SQLE: variants seen among roughly 807,000 people sequenced by gnomAD.
SQLE encodes squalene epoxidase, also known as squalene monooxygenase.
In SQLE, 29 loss-of-function variants were observed where a neutral mutation model predicts 60.7. The ratio of observed to expected loss-of-function variants is 0.48; its 90% CI spans 0.36 to 0.65. SQLE has a LOEUF of 0.65. Among genes scored for constraint, SQLE ranks in the 30% least tolerant of loss-of-function variants. SQLE has a pLI of 0.00. For synonymous variants in SQLE, 237 were observed against 246.8 expected (o/e 0.96, Z 0.37); for missense variants, 605 against 684.1 (o/e 0.88, Z 1.29).
In SQLE at chr8:124,999,184, C is replaced by G. The variant is rs139161159; in HGVS notation, c.-220C>G. ...TCCAGCAGGCGATTTTTAAATACTG[C>G]TTTCTACGCCCTATACAACTTGGCT... On this transcript the variant is annotated 5_prime_UTR_variant, in exon 1 of 11. Transcript: ENST00000265896. 211 of 409,162 alleles carry G rather than the reference C, an allele frequency of 5.2e-4. No individual in the cohort carries two copies. The highest frequency in any genetic ancestry group is 4.0e-3 in the African/African-American group (197 of 48,904). 25.3% of individuals were successfully genotyped at this position (409,162 alleles called of 1,614,324 possible). A position where few individuals can be genotyped will look rare whatever the true frequency, so the allele number is the denominator to read the frequency against.
intron 7 of SQLE, among the ~76,000 whole-genome samples, chr8:125,014,934 C>T (rs891066364): frequency 9.9e-5 from 15 of 152,074 alleles, no homozygotes; most frequent in Non-Finnish European, 2.1e-4. Context: ...TCTGTTTGGC[C>T]TGTAGTCCAG....
chr8:125,009,401 A>G (rs1815006088), intron 6 of SQLE, 58 bp downstream of exon 6: 2 of 1,456,438 alleles, frequency 1.4e-6, no homozygotes, highest in Non-Finnish European at 1.9e-6. Flanking sequence ...GCCAGAGATA[A>G]GGATGGCAGG....
chr8:125,006,589 C>G (rs1184344762), intron 3 of SQLE, among the ~76,000 whole-genome samples: 1 of 148,060 alleles, frequency 6.8e-6, no homozygotes, highest in Non-Finnish European at 1.5e-5. Flanking sequence ...CCACTGCACT[C>G]CAGCCTGGGC....
chr8:125,021,136 C>T (rs1815197579), intron 10 of SQLE, among the ~76,000 whole-genome samples: 1 of 152,044 alleles, frequency 6.6e-6, no homozygotes, highest in Admixed American at 6.6e-5. Context: ...TGGATTTATC[C>T]ATATGTTCTG....
rs537820743 is a variant in SQLE at position 125,002,702 on chromosome 8, A to C, written c.292-474A>C. Among the ~76,000 whole-genome samples, 3 of 152,166 alleles carry C rather than the reference A, an allele frequency of 2.0e-5. No homozygotes were observed. The East Asian group carries it at 5.8e-4, about 29-fold the overall frequency. ...CAAACAAACAAACAAAAAAACAAAC[A>C]AAAAAAAGAAAATGTCTAAAAGGTG... On this transcript the variant is annotated intron_variant, in intron 1 of 10. Coordinates refer to ENST00000265896, the MANE Select transcript of SQLE (RefSeq NM_003129.4).
At chr8:125,018,995 C>T (rs758546164) in intron 9 of SQLE, 191 of 335,684 alleles carry the variant, frequency 5.7e-4, no homozygotes, top group Non-Finnish European at 8.6e-4. Context: ...CAGACTAGAT[C>T]ATGCTTGTCC....
At chr8:124,999,751 C>T in intron 1 of SQLE, 57 bp downstream of exon 1, 1 of 1,505,192 alleles carries the variant, frequency 6.6e-7, no homozygotes, top group Non-Finnish European at 8.9e-7. Flanking sequence ...GGATTGGGTT[C>T]ACTCAAATAT....
chr8:125,008,088 T>A (rs1476388624), intron 4 of SQLE, among the ~76,000 whole-genome samples: 1 of 152,074 alleles, frequency 6.6e-6, no homozygotes, highest in Non-Finnish European at 1.5e-5. Context: ...TTATTTTATT[T>A]TATTTTGTTT....
chr8:125,019,499 G>A (rs1026743180), intron 9 of SQLE, among the ~76,000 whole-genome samples: 3 of 152,086 alleles, frequency 2.0e-5, no homozygotes, highest in African/African-American at 7.2e-5. Flanking sequence ...GCTCACTACA[G>A]TGAGCTATAT....
intron 4 of SQLE, 118 bp from the exon 5 acceptor site, chr8:125,008,853 C>A: frequency 1.6e-6 from 1 of 612,080 alleles, no homozygotes; most frequent in Non-Finnish European, 2.6e-6. Context: ...TCTTCAACTA[C>A]TCTCTATAAT....
At chr8:125,007,548 A>G in intron 4 of SQLE, 61 bp downstream of exon 4, 1 of 1,170,900 alleles carries the variant, frequency 8.5e-7, no homozygotes, top group African/African-American at 1.5e-5. Context: ...TTTTTCACTT[A>G]CCCCTTTAAA....
intron 3 of SQLE, among the ~76,000 whole-genome samples, chr8:125,005,967 C>T (rs557324988): frequency 5.9e-5 from 9 of 152,068 alleles, no homozygotes; most frequent in South Asian, 2.1e-4. Flanking sequence ...TTTTATGTGA[C>T]GGGAATTTAG....
At chr8:125,011,473 T>C (rs1474416516) in intron 6 of SQLE, 64 bp from the exon 7 acceptor site, 2 of 1,313,660 alleles carry the variant, frequency 1.5e-6, no homozygotes, top group East Asian at 2.5e-5. Flanking sequence ...GATAAGAAAA[T>C]ATGTGATACT....
intron 3 of SQLE, among the ~76,000 whole-genome samples, chr8:125,006,935 C>G (rs1026088719): frequency 1.2e-4 from 19 of 152,014 alleles, no homozygotes; most frequent in Admixed American, 1.1e-3. Flanking sequence ...GATCTCCTGA[C>G]CTTGTGATCC....
intron 6 of SQLE, among the ~76,000 whole-genome samples, chr8:125,010,110 C>G (rs966867535): frequency 6.6e-6 from 1 of 152,170 alleles, no homozygotes; most frequent in Non-Finnish European, 1.5e-5. Flanking sequence ...GATTAGTTAG[C>G]TCCTCCAAGT....
intron 6 of SQLE, 143 bp downstream of exon 6, chr8:125,009,486 A>C: frequency 1.2e-6 from 1 of 858,988 alleles, no homozygotes; most frequent in South Asian, 2.6e-5. Flanking sequence ...AGCAAAACAA[A>C]CTCCCAAATT....
Position 124,998,769 on chromosome 8 carries a change from CTT to C in SQLE, c.-634_-633del. On this transcript the variant is annotated 5_prime_UTR_variant, in exon 1 of 11. Transcript: ENST00000265896. ...GGCTGCATTGCCCTGGAGCCGCACT[CTT>C]GAGTCCGAGGCCATCTTTTGTTGGA... 1 of 508,982 alleles carries C rather than the reference CTT, an allele frequency of 2.0e-6. No homozygotes were observed. The highest frequency in any genetic ancestry group is 3.5e-5 in the East Asian group (1 of 28,484). 31.5% of individuals were successfully genotyped at this position (508,982 alleles called of 1,614,324 possible). A position where few individuals can be genotyped will look rare whatever the true frequency, so the allele number is the denominator to read the frequency against.
At position 125,016,408 on chromosome 8, in the gene SQLE, A is replaced by G. The variant is rs371401522; in HGVS notation, c.1205-1651A>G. Among the ~76,000 whole-genome samples, 1 of 151,990 alleles carries G rather than the reference A, an allele frequency of 6.6e-6. No homozygotes were observed. Among genetic ancestry groups the G allele is most frequent in the East Asian group, 1.9e-4 (1 of 5,178 alleles). On this transcript the variant is annotated intron_variant, in intron 7 of 10. Transcript: ENST00000265896. The surrounding 1 kb of genome is among the most constrained non-coding windows in gnomAD (Gnocchi z 4.1). ...TTGAGATTCTGCCATGTTCTTCAGTAAGTTAATTGAATTTTTTATCTCCAG... is the reference window on the plus strand; with the variant it reads ...TTGAGATTCTGCCATGTTCTTCAGTGAGTTAATTGAATTTTTTATCTCCAG...
rs763368484 is a variant in SQLE at position 125,003,305 on chromosome 8, G to A, written c.421G>A (p.Val141Met). Residue 141 changes from valine to methionine, a missense_variant, in exon 2 of 11, where the codon GTG becomes ATG. By Grantham distance (21) the Val-to-Met change is conservative. Transcript: ENST00000265896. ...AGVLGSALAA[V>M]LSRDGRKVTV... ...CGTGCTTGGCTCTGCTTTGGCAGCT[G>A]TGCTTTCCAGAGATGGAAGAAAGGT... 2 of 1,614,010 alleles carry A rather than the reference G, an allele frequency of 1.2e-6. No homozygotes were observed. The highest frequency in any genetic ancestry group is 2.2e-5 in the East Asian group (1 of 44,884).
Sources: allele counts gnomAD v4.1 joint callset (sites outside exome capture counted in the v4.1 genomes callset), GRCh38; gene constraint gnomAD v4.1.1; non-coding constraint Gnocchi (gnomAD v3.1); transcripts MANE v1.5; gene names NCBI Gene and HGNC (gene_info 2026-07-23, HGNC 2026-07-21).